The following MAP3K9 variants were observed in gnomAD, a reference collection of about 807,000 sequenced individuals.
The protein encoded by MAP3K9 is mitogen-activated protein kinase kinase kinase 9.
Under a neutral mutation model 95.8 loss-of-function variants are expected in MAP3K9, and 46 were observed. The ratio of observed to expected loss-of-function variants is 0.48; its 90% CI spans 0.38 to 0.61. The LOEUF (loss-of-function observed/expected upper bound fraction) is 0.61, where lower values mean the gene tolerates loss of function less well. MAP3K9 is among the 20% of genes least tolerant of loss of function. The probability of loss-of-function intolerance (pLI) is 0.00; values close to 1 mark genes in which losing one functional copy is unlikely to be tolerated. For missense variants in MAP3K9, 1,296 were observed against 1,474.3 expected (o/e 0.88, Z 1.98); for synonymous variants, 533 against 593.8 (o/e 0.90, Z 1.49).
chr14:70,774,638 T>C (rs2054572438), intron 2 of MAP3K9, among the ~76,000 whole-genome samples: 1 of 151,302 alleles, frequency 6.6e-6, no homozygotes. Flanking sequence ...CACTGTACTC[T>C]AGCCTGCGTG....
intron 7 of MAP3K9, 124 bp downstream of exon 7, chr14:70,739,918 A>T (rs777001735): frequency 2.0e-5 from 33 of 1,613,430 alleles, no homozygotes; most frequent in Admixed American, 8.3e-5. Flanking sequence ...GTATATACAC[A>T]TTGTCGAGGA....
At chr14:70,744,210 G>A (rs904174874) in intron 5 of MAP3K9, among the ~76,000 whole-genome samples, 1 of 152,104 alleles carries the variant, frequency 6.6e-6, no homozygotes, top group African/African-American at 2.4e-5. Flanking sequence ...GGGGGGCTAG[G>A]GGAGGGAGAG....
At chr14:70,764,346 T>TACTG (rs2054419491) in intron 2 of MAP3K9, among the ~76,000 whole-genome samples, 1 of 151,286 alleles carries the variant, frequency 6.6e-6, no homozygotes, top group South Asian at 2.1e-4. Flanking sequence ...AAGACTGTGA[T>TACTG]ATGATCTTGA....
chr14:70,733,152 G>A lies in MAP3K9; in HGVS notation c.2217C>T (p.Leu739=), dbSNP rs2053935866. Residue 739 remains leucine (L), a synonymous_variant, in exon 11 of 12, where the codon CTC becomes CTT. Coordinates refer to ENST00000554752, the MANE Select transcript of MAP3K9 (RefSeq NM_001284230.2). ...STPQLTPTNS[L]KRGGAHHRRC... ...GGCGGTGGTGGGCACCGCCCCGCTT[G>A]AGGCTGTTGGTTGGCGTCAGCTGAG... 3 of 1,612,810 alleles carry A rather than the reference G, an allele frequency of 1.9e-6. No homozygotes were observed. The highest frequency in any genetic ancestry group is 2.7e-5 in the African/African-American group (2 of 74,898).
At chr14:70,769,827 T>G (rs978379309) in intron 2 of MAP3K9, among the ~76,000 whole-genome samples, 1 of 152,236 alleles carries the variant, frequency 6.6e-6, no homozygotes, top group Non-Finnish European at 1.5e-5. Flanking sequence ...GGGCCCATCC[T>G]AATCCAGTAT....
intron 3 of MAP3K9, among the ~76,000 whole-genome samples, chr14:70,751,991 T>C (rs910717014): frequency 1.3e-5 from 2 of 152,206 alleles, no homozygotes; most frequent in African/African-American, 4.8e-5. Flanking sequence ...TGGTAAATGC[T>C]AATCATCTTT....
chr14:70,793,663 C>CATTT (rs1218370314), intron 2 of MAP3K9, among the ~76,000 whole-genome samples: 2 of 151,996 alleles, frequency 1.3e-5, no homozygotes, highest in Non-Finnish European at 2.9e-5. Context: ...TTCATTCATT[C>CATTT]ATTCATTCAT....
rs371073549 is a variant in MAP3K9 at position 70,794,142 on chromosome 14, G to A, written c.820+6525C>T. Among the ~76,000 whole-genome samples the A allele has an allele frequency of 3.9e-5, 6 of 152,176 alleles. No homozygotes were observed. The South Asian group carries it at 1.0e-3, about 26-fold the overall frequency. On this transcript the variant is annotated intron_variant, in intron 2 of 11. Transcript: ENST00000554752. The stretch of plus-strand genomic sequence containing the variant: ...GCGAGGGCACCCCTGCCAGCAAGGA[G>A]GAAAGGGGAGACCAGCTTGGCTAAA...
chr14:70,733,521 C>A (rs1234326103), intron 10 of MAP3K9, 179 bp from the exon 11 acceptor site: 1 of 608,844 alleles, frequency 1.6e-6, no homozygotes, highest in African/African-American at 1.9e-5. Flanking sequence ...TTTATCCACC[C>A]CCCAACACAG....
chr14:70,761,554 G>A (rs1363744197), intron 2 of MAP3K9, among the ~76,000 whole-genome samples: 1 of 152,100 alleles, frequency 6.6e-6, no homozygotes, highest in African/African-American at 2.4e-5. Flanking sequence ...CCTGAGATTA[G>A]GAGTTTGACA....
In MAP3K9 at chr14:70,725,940, G is replaced by T. The variant is rs917382202; in HGVS notation, c.*4440C>A. 4 of 152,226 alleles carry T rather than the reference G, an allele frequency of 2.6e-5. No individual in the cohort carries two copies. The highest frequency in any genetic ancestry group is 5.9e-5 in the Non-Finnish European group (4 of 68,072). 9.4% of individuals were successfully genotyped at this position (152,226 alleles called of 1,614,324 possible). The stretch of plus-strand genomic sequence containing the variant: ...GGACCATACATTTGAAAGTTAGAAG[G>T]GCTTCAGGAGGGAAAGTAGATAGCA... On this transcript the variant is annotated 3_prime_UTR_variant, in exon 12 of 12. Transcript: ENST00000554752.
At chr14:70,743,190 G>A (rs2054100264) in intron 5 of MAP3K9, among the ~76,000 whole-genome samples, 1 of 152,006 alleles carries the variant, frequency 6.6e-6, no homozygotes, top group Non-Finnish European at 1.5e-5. Flanking sequence ...GTTTTACCAT[G>A]TTGGCCAGGC....
chr14:70,735,909 G>T, intron 9 of MAP3K9, 52 bp downstream of exon 9: 2 of 1,314,452 alleles, frequency 1.5e-6, no homozygotes, highest in Non-Finnish European at 2.2e-6. Context: ...CAAGGAAATG[G>T]AAGGGAGATT....
At chr14:70,733,496 C>T in intron 10 of MAP3K9, 154 bp from the exon 11 acceptor site, 1 of 603,804 alleles carries the variant, frequency 1.7e-6, no homozygotes, top group Non-Finnish European at 3.0e-6. Context: ...GAATTGAACA[C>T]TGAACCAAGG....
chr14:70,740,222 A>G (rs2054051252), intron 6 of MAP3K9, 58 bp from the exon 7 acceptor site: 6 of 1,558,232 alleles, frequency 3.9e-6, no homozygotes, highest in South Asian at 1.2e-5. Context: ...TTAAATTCAT[A>G]TAAGAAATAT....
chr14:70,766,713 G>A (rs561691762), intron 2 of MAP3K9, among the ~76,000 whole-genome samples: 6 of 152,152 alleles, frequency 3.9e-5, no homozygotes, highest in Non-Finnish European at 8.8e-5. Flanking sequence ...TGAGGGATGG[G>A]GAAGGGAATC....
intron 2 of MAP3K9, among the ~76,000 whole-genome samples, chr14:70,769,601 C>T (rs2139801869): frequency 6.6e-6 from 1 of 152,284 alleles, no homozygotes; most frequent in Non-Finnish European, 1.5e-5. Context: ...AGGGCCATCT[C>T]CCTTCAAAGG....
In MAP3K9 at chr14:70,764,192, C is replaced by CAAAAAAAAA. The variant is rs71105731; in HGVS notation, c.821-3019_821-3011dup. Among the ~76,000 whole-genome samples, 8 of 29,850 alleles carry CAAAAAAAAA rather than the reference C, an allele frequency of 2.7e-4. 2 individuals carry two copies. The highest frequency in any genetic ancestry group is 1.1e-3 in the Admixed American group (2 of 1,776). 19.6% of individuals were successfully genotyped at this position (29,850 alleles called of 152,430 possible). ...TGGGCGACAGAGCGAGACTCCGTCT[C>CAAAAAAAAA]AAAAAAAAAAAAAAAAAGTTAACTG... On this transcript the variant is annotated intron_variant, in intron 2 of 11. Coordinates refer to ENST00000554752, the MANE Select transcript of MAP3K9 (RefSeq NM_001284230.2).
In MAP3K9 at chr14:70,736,075, C is replaced by T. The variant is rs1052782028; in HGVS notation, c.1845-46G>A. On this transcript the variant is annotated intron_variant, in intron 8 of 11. Transcript: ENST00000554752. ...CAGTAGCAGGCAATGGAGGGCACAT[C>T]CAGCTCAGCCTCTCCCACACCAAAA... 3 of 1,291,326 alleles carry T rather than the reference C, an allele frequency of 2.3e-6. No homozygotes were observed. The South Asian group carries it at 3.5e-5, about 15-fold the overall frequency. 80.0% of individuals were successfully genotyped at this position (1,291,326 alleles called of 1,614,324 possible). A position where few individuals can be genotyped will look rare whatever the true frequency, so the allele number is the denominator to read the frequency against.
Sources: gnomAD v4.1 joint callset for allele counts (sites outside exome capture counted in the v4.1 genomes callset) on GRCh38, gnomAD v4.1.1 for gene constraint, MANE v1.5 for transcripts, NCBI Gene and HGNC (gene_info 2026-07-23, HGNC 2026-07-21) for gene names.